Variants in SLC7A14 observed in about 807,000 individuals in gnomAD.
SLC7A14 encodes the protein gamma-aminobutyric acid transporter SLC7A14.
SLC7A14 carries 37 observed loss-of-function variants against 60.2 expected under a neutral mutation model. The ratio of observed to expected loss-of-function variants is 0.61; its 90% CI spans 0.47 to 0.81. SLC7A14 has a LOEUF of 0.81. Ranked by LOEUF, SLC7A14 falls within the 30% of genes least tolerant of loss-of-function variation. The probability of loss-of-function intolerance (pLI) is 0.00; values close to 1 mark genes in which losing one functional copy is unlikely to be tolerated. For missense variants in SLC7A14, 886 were observed against 982.7 expected, an observed-to-expected ratio of 0.90 and a Z score of 1.32; for synonymous variants, 399 against 395.8, an observed-to-expected ratio of 1.01 and a Z score of -0.10.
At position 170,463,234 on chromosome 3, in the gene SLC7A14, C is replaced by T. The variant is rs1445573526; in HGVS notation, c.*3821G>A. On this transcript the variant is annotated 3_prime_UTR_variant, in exon 8 of 8. Coordinates refer to ENST00000231706, the MANE Select transcript of SLC7A14 (RefSeq NM_020949.3). ...ATCATGTGCTCCAGGCAAACTAGCT[C>T]CTTGCTTTCTCTTAATGGAGGCACA... The T allele has an allele frequency of 2.6e-5, 4 of 152,176 alleles. No individual in the cohort carries two copies. Among genetic ancestry groups the T allele is most frequent in the African/African-American group, 7.2e-5 (3 of 41,434 alleles). 9.4% of individuals were successfully genotyped at this position (152,176 alleles called of 1,614,324 possible).
chr3:170,537,671 T>C (rs1713889514), intron 1 of SLC7A14, among the ~76,000 whole-genome samples: 1 of 152,208 alleles, frequency 6.6e-6, no homozygotes, highest in Non-Finnish European at 1.5e-5. Context: ...CATGTACCTA[T>C]TGTCTGTCAA....
intron 3 of SLC7A14, among the ~76,000 whole-genome samples, 182 bp from the exon 4 acceptor site, chr3:170,499,066 C>T (rs1712514123): frequency 1.3e-5 from 2 of 151,446 alleles, no homozygotes; most frequent in South Asian, 4.2e-4. Flanking sequence ...GAAACCCTGT[C>T]TCTACTAAAA....
chr3:170,583,637 G>A (rs1715297140), intron 1 of SLC7A14, among the ~76,000 whole-genome samples: 1 of 152,206 alleles, frequency 6.6e-6, no homozygotes, highest in African/African-American at 2.4e-5. Context: ...GATATTCAAA[G>A]CTATTCTAGT....
chr3:170,553,162 G>GT (rs1227327965), intron 1 of SLC7A14, among the ~76,000 whole-genome samples: 1 of 152,168 alleles, frequency 6.6e-6, no homozygotes, highest in Non-Finnish European at 1.5e-5. Flanking sequence ...GCCACTGGCT[G>GT]TAAGTGCCCT....
At chr3:170,497,087 CAAAA>C (rs548290941) in intron 4 of SLC7A14, among the ~76,000 whole-genome samples, 1,350 of 94,252 alleles carry the variant, frequency 0.014, 4 homozygotes, top group South Asian at 0.041. Flanking sequence ...TTATTTTGTC[CAAAA>C]AAAAAAAAAA....
intron 1 of SLC7A14, among the ~76,000 whole-genome samples, chr3:170,562,819 C>T (rs1309818229): frequency 1.3e-5 from 2 of 151,938 alleles, no homozygotes; most frequent in Admixed American, 6.6e-5. Context: ...TACAGTGGCA[C>T]GATCTCAACT....
In SLC7A14 at chr3:170,585,544, G is replaced by T. The variant is rs545710292; in HGVS notation, c.-153+367C>A. On this transcript the variant is annotated intron_variant, in intron 1 of 7. Coordinates refer to ENST00000231706, the MANE Select transcript of SLC7A14 (RefSeq NM_020949.3). The surrounding 1 kb of genome is among the most constrained non-coding windows in gnomAD (Gnocchi z 5.1). ...CGGGCCCGGCGTCTGCCGAGACCTA[G>T]GCTGCCCGCATTCCGCTCGCGGCTC... Among the ~76,000 whole-genome samples, 2 of 152,186 alleles carry T rather than the reference G, an allele frequency of 1.3e-5. No homozygotes were observed. The highest frequency in any genetic ancestry group is 4.8e-5 in the African/African-American group (2 of 41,450).
chr3:170,511,417 G>A (rs1196376447), intron 2 of SLC7A14, among the ~76,000 whole-genome samples: 1 of 151,954 alleles, frequency 6.6e-6, no homozygotes, highest in African/African-American at 2.4e-5. Flanking sequence ...AGAAAAAAAA[G>A]GACAAATAAA....
In SLC7A14 at chr3:170,480,462, A is replaced by G. The variant is rs774585062; in HGVS notation, c.1820T>C (p.Leu607Pro). ...GATCACAAACACCAGGGTGCTGATCAGCAGCACCATCAGAACAACCAGAAG... is the reference window on the plus strand; with the variant it reads ...GATCACAAACACCAGGGTGCTGATCGGCAGCACCATCAGAACAACCAGAAG... ...AILLVVLMVL[L>P]ISTLVFVILQ... Residue 607 changes from leucine to proline, a missense_variant, in exon 7 of 8, where the codon CTG (leucine) becomes CCG (proline). Transcript: ENST00000231706. 6.2e-7 allele frequency: 1 copy of G among 1,614,106 alleles called. No homozygotes were observed. Among genetic ancestry groups the G allele is most frequent in the South Asian group, 1.1e-5 (1 of 91,064 alleles).
intron 1 of SLC7A14, among the ~76,000 whole-genome samples, chr3:170,543,194 C>T (rs1714071779): frequency 6.6e-6 from 1 of 152,144 alleles, no homozygotes; most frequent in Admixed American, 6.5e-5. Flanking sequence ...GACATAAAAT[C>T]CCTGTGCCAA....
chr3:170,566,339 A>G (rs1238105251), intron 1 of SLC7A14, among the ~76,000 whole-genome samples: 1 of 152,168 alleles, frequency 6.6e-6, no homozygotes. Context: ...TCAGGTGTAG[A>G]GCCAAGGAGA....
intron 2 of SLC7A14, among the ~76,000 whole-genome samples, chr3:170,506,996 T>C (rs778605069): frequency 2.0e-5 from 3 of 152,228 alleles, no homozygotes; most frequent in Admixed American, 1.3e-4. Flanking sequence ...AATTTCCCTC[T>C]GCATTCCACC....
chr3:170,575,074 G>A lies in SLC7A14; in HGVS notation c.-153+10837C>T, dbSNP rs1020389296. Among the ~76,000 whole-genome samples the A allele has an allele frequency of 2.6e-5, 4 of 152,296 alleles. No homozygotes were observed. The East Asian group carries it at 7.7e-4, about 29-fold the overall frequency. ...AATATACAGAGACTAGATTAATTTG[G>A]CTATAAGGTGAAATTTAAGACCATA... On this transcript the variant is annotated intron_variant, in intron 1 of 7. Coordinates refer to ENST00000231706, the MANE Select transcript of SLC7A14 (RefSeq NM_020949.3).
intron 1 of SLC7A14, among the ~76,000 whole-genome samples, chr3:170,533,082 C>G (rs1264499956): frequency 1.3e-5 from 2 of 152,146 alleles, no homozygotes; most frequent in Non-Finnish European, 2.9e-5. Context: ...AAACATGATC[C>G]CCTTCTGACT....
chr3:170,544,020 T>C (rs956001027), intron 1 of SLC7A14, among the ~76,000 whole-genome samples: 5 of 152,072 alleles, frequency 3.3e-5, no homozygotes, highest in African/African-American at 1.2e-4. Context: ...AGTGCTGGGA[T>C]TACAGGCATG....
At chr3:170,579,645 G>A (rs763114758) in intron 1 of SLC7A14, among the ~76,000 whole-genome samples, 53 of 152,298 alleles carry the variant, frequency 3.5e-4, no homozygotes, top group Non-Finnish European at 4.9e-4. Flanking sequence ...CCTGGAAAAG[G>A]ATAATATTCT....
chr3:170,505,983 T>G (rs563652804), intron 2 of SLC7A14, among the ~76,000 whole-genome samples: 18 of 152,336 alleles, frequency 1.2e-4, no homozygotes, highest in East Asian at 3.9e-4. Context: ...TCTAATCATA[T>G]TTGCCTTATG....
At chr3:170,580,923 G>A (rs956067261) in intron 1 of SLC7A14, among the ~76,000 whole-genome samples, 1 of 152,156 alleles carries the variant, frequency 6.6e-6, no homozygotes, top group Admixed American at 6.5e-5. Context: ...AAAATCGTGA[G>A]CCACTATAGA....
At chr3:170,581,352 C>T (rs1364606707) in intron 1 of SLC7A14, among the ~76,000 whole-genome samples, 1 of 152,046 alleles carries the variant, frequency 6.6e-6, no homozygotes, top group Non-Finnish European at 1.5e-5. Context: ...CCCCTATTAC[C>T]ATGATGGGTT....
Sources: gnomAD v4.1 joint callset for allele counts (sites outside exome capture counted in the v4.1 genomes callset) on GRCh38, gnomAD v4.1.1 for gene constraint, Gnocchi (gnomAD v3.1) non-coding constraint, MANE v1.5 for transcripts, NCBI Gene and HGNC (gene_info 2026-07-23, HGNC 2026-07-21) for gene names.